Variants in GDPD2 observed in about 807,000 individuals in gnomAD.
GDPD2 encodes the protein glycerophosphodiester phosphodiesterase 3.
In GDPD2, 23 loss-of-function variants were observed where a neutral mutation model predicts 49.2. The ratio of observed to expected loss-of-function variants is 0.47; its 90% CI spans 0.34 to 0.66. The LOEUF is 0.66. Ranked by LOEUF, GDPD2 falls within the 30% of genes least tolerant of loss-of-function variation. GDPD2 has a pLI of 0.01. For synonymous variants in GDPD2, 167 were observed against 171.4 expected, an observed-to-expected ratio of 0.97 and a Z score of 0.20; for missense variants, 338 against 424.7, an observed-to-expected ratio of 0.80 and a Z score of 1.79.
intron 5 of GDPD2, 79 bp from the exon 6 acceptor site, chrX:70,426,292 T>A: frequency 1.1e-6 from 1 of 906,354 alleles, no homozygotes; most frequent in Non-Finnish European, 1.6e-6. Context: ...TCGGGTCCCA[T>A]CTCTATAGAG....
chrX:70,424,226 G>C (rs2086402002), intron 1 of GDPD2, among the ~76,000 whole-genome samples: 1 of 111,246 alleles, frequency 9.0e-6, no homozygotes, highest in Non-Finnish European at 1.9e-5. Flanking sequence ...CTTCTGGTTG[G>C]GGTTGGGGGA....
intron 6 of GDPD2, 34 bp downstream of exon 6, chrX:70,426,503 C>A: frequency 8.8e-7 from 1 of 1,142,234 alleles, no homozygotes; most frequent in Non-Finnish European, 1.2e-6. Flanking sequence ...TAGACGGGAG[C>A]CTTGGCTTGC....
chrX:70,432,216 A>G (rs2086483811), intron 12 of GDPD2, 91 bp from the exon 13 acceptor site: 2 of 746,303 alleles, frequency 2.7e-6, no homozygotes, highest in Admixed American at 5.2e-5. Context: ...TGGCAGTGGC[A>G]CTGTAGATTC....
intron 4 of GDPD2, 67 bp from the exon 5 acceptor site, chrX:70,425,985 G>A: frequency 4.0e-6 from 4 of 992,330 alleles, no homozygotes; most frequent in Non-Finnish European, 5.7e-6. Flanking sequence ...ACCAGCCTGG[G>A]AAGCCCACCT....
At chrX:70,426,145 G>A (rs769920369) in intron 5 of GDPD2, 34 bp downstream of exon 5, 7 of 1,101,057 alleles carry the variant, frequency 6.4e-6, no homozygotes, top group African/African-American at 1.8e-5. Context: ...GGGAGAGGGG[G>A]CCACTGGGCT....
chrX:70,429,723 G>C lies in GDPD2; in HGVS notation c.1158+9G>C. 3 of 1,156,116 alleles carry C rather than the reference G, an allele frequency of 2.6e-6. No individual in the cohort carries two copies. The highest frequency in any genetic ancestry group is 2.4e-4 in the Middle Eastern group (1 of 4,203). On this transcript the variant is annotated intron_variant, in intron 11 of 15. Transcript: ENST00000374382. ...GGGTGCCCCAAGCCATGGTGATGTTGCCAGGACCCCCTCTCCCCACCCTGC... is the reference window on the plus strand; with the variant it reads ...GGGTGCCCCAAGCCATGGTGATGTTCCCAGGACCCCCTCTCCCCACCCTGC...
At chrX:70,432,483 T>C (rs375062949) in intron 13 of GDPD2, 29 bp downstream of exon 13, 19 of 1,191,378 alleles carry the variant, frequency 1.6e-5, no homozygotes, top group Non-Finnish European at 1.9e-5. Context: ...TCACCTCTCC[T>C]CTTCTCCCAT....
chrX:70,426,137 G>A, intron 5 of GDPD2, 26 bp downstream of exon 5: 1 of 1,129,857 alleles, frequency 8.9e-7, no homozygotes, highest in Non-Finnish European at 1.2e-6. Flanking sequence ...GAGTGCATGG[G>A]AGAGGGGGCC....
intron 10 of GDPD2, among the ~76,000 whole-genome samples, 181 bp from the exon 11 acceptor site, chrX:70,429,312 G>A (rs1017631361): frequency 1.8e-5 from 2 of 111,099 alleles, no homozygotes; most frequent in African/African-American, 6.5e-5. Context: ...AAGGGTAGGA[G>A]GTTGAGGTCA....
chrX:70,427,155 C>G lies in GDPD2; in HGVS notation c.721C>G (p.Leu241Val). The part of the protein sequence containing the change: ...GAPMLAPENT[L>V]MSLRKTAECG... The stretch of plus-strand genomic sequence containing the variant: ...TTCCCAGCTGGCTCCCGAGAACACC[C>G]TGATGTCCTTGCGGAAGACAGCTGA... The change falls in exon 9 of 16, where the codon CTG (leucine) becomes GTG (valine). Residue 241 changes from leucine (L) to valine (V), a missense_variant. By Grantham distance (32) the Leu-to-Val change is conservative (BLOSUM62 1). Around this residue, in one of 3 missense-constraint regions of GDPD2, gnomAD observed 253 missense variants for 330.4 expected, o/e 0.77. Transcript: ENST00000374382. The G allele has an allele frequency of 1.7e-6, 2 of 1,206,385 alleles. No individual in the cohort carries two copies. Among genetic ancestry groups the G allele is most frequent in the Middle Eastern group, 4.6e-4 (2 of 4,336 alleles).
rs367951701 is a variant in GDPD2, at chrX:70,430,001, C to A, written c.1245C>A (p.Asn415Lys). The change falls in exon 12 of 16, where the codon AAC (asparagine) becomes AAA (lysine). Residue 415 changes from asparagine to lysine, a missense_variant. Coordinates refer to ENST00000374382, the MANE Select transcript of GDPD2 (RefSeq NM_017711.4). ...MRQIYGRQGG[N>K]RTERPQFLNL... is the part of the protein sequence containing the mutation. ...AGATATATGGACGTCAGGGAGGCAA[C>A]AGAACGGAGAGGCCCCAGTTTCTTA... 1 of 1,208,294 alleles carries A rather than the reference C, an allele frequency of 8.3e-7. No homozygotes were observed. The highest frequency in any genetic ancestry group is 1.1e-6 in the Non-Finnish European group (1 of 893,526).
rs762112029 is a variant in GDPD2 at position 70,424,990 on chromosome X, C to T, written c.6C>T (p.Ala2=). The T allele has an allele frequency of 4.2e-6, 5 of 1,186,505 alleles. No individual in the cohort carries two copies. Among genetic ancestry groups the T allele is most frequent in the Admixed American group, 4.7e-5 (2 of 42,999 alleles). The change falls in exon 2 of 16, where the codon GCC becomes GCT. Residue 2 remains alanine (A), a synonymous_variant. Transcript: ENST00000374382. ...CCTTCCCCCAGGCCTTCACCATGGC[C>T]GAGTCCCCCGGCTGCTGCTCCGTCT... M[A]ESPGCCSVWA... is the part of the protein sequence containing the mutation.
Position 70,433,184 on chromosome X carries a change from G to A in GDPD2, c.*98G>A. 2 of 666,122 alleles carry A rather than the reference G, an allele frequency of 3.0e-6. No individual in the cohort carries two copies. Among genetic ancestry groups the A allele is most frequent in the South Asian group, 4.9e-5 (2 of 40,716 alleles). 54.9% of individuals were successfully genotyped at this position (666,122 alleles called of 1,213,427 possible). A position where few individuals can be genotyped will look rare whatever the true frequency, so the allele number is the denominator to read the frequency against. ...TGGAATGCTTCAGGGGTGGTGGGTT[G>A]CAAGTGGGGGGAGCTTTGCCAACAG... On this transcript the variant is annotated 3_prime_UTR_variant, in exon 16 of 16. Coordinates refer to ENST00000374382, the MANE Select transcript of GDPD2 (RefSeq NM_017711.4).
intron 5 of GDPD2, 100 bp downstream of exon 5, chrX:70,426,211 A>G (rs2086422120): frequency 4.7e-6 from 4 of 848,921 alleles, no homozygotes; most frequent in Non-Finnish European, 7.0e-6. Context: ...CGGGGGGTCA[A>G]GCCCAGGACC....
In GDPD2 at chrX:70,429,817, A is replaced by C. The variant is rs747408478; in HGVS notation, c.1159-98A>C. 5.5e-6 allele frequency: 6 copies of C among 1,089,219 alleles called. No individual in the cohort carries two copies. In the Admixed American group the frequency reaches 1.3e-4, roughly 24 times the overall value. 89.8% of individuals were successfully genotyped at this position (1,089,219 alleles called of 1,213,427 possible). On this transcript the variant is annotated intron_variant, in intron 11 of 15. Coordinates refer to ENST00000374382, the MANE Select transcript of GDPD2 (RefSeq NM_017711.4). Reference sequence around the variant, plus strand: ...TACCCCCAGGGCCCTGCCCCAGCTCACATACCCCATTCTGTGGTCAAAACT... The same window carrying C: ...TACCCCCAGGGCCCTGCCCCAGCTCCCATACCCCATTCTGTGGTCAAAACT...
chrX:70,427,930 T>C (rs1458735764), intron 10 of GDPD2: 2 of 113,537 alleles, frequency 1.8e-5, no homozygotes, highest in Admixed American at 1.9e-4. Flanking sequence ...TGGTACAAAA[T>C]ATTTAAAAGG....
Position 70,427,346 on chromosome X carries a change from G to A in GDPD2, c.819G>A (p.Glu273=). The change falls in exon 10 of 16, where the codon GAG becomes GAA. Residue 273 remains glutamate, a synonymous_variant. Transcript: ENST00000374382. ...GGGTCCCCTTCCTCATGCATGATGA[G>A]CACCTCAGCAGGACCACGAATGTAG... The part of the protein sequence containing the change: ...SDGVPFLMHD[E]HLSRTTNVAS... The A allele has an allele frequency of 8.3e-7, 1 of 1,209,577 alleles. No individual in the cohort carries two copies. The highest frequency in any genetic ancestry group is 1.7e-5 in the African/African-American group (1 of 57,676).
chrX:70,424,923 C>A (rs752392714), intron 1 of GDPD2, 53 bp from the exon 2 acceptor site: 88 of 789,003 alleles, frequency 1.1e-4, no homozygotes, highest in Non-Finnish European at 1.6e-4. Flanking sequence ...AGGAGGGAGA[C>A]TGGGATCTGC....
chrX:70,432,387 G>A lies in GDPD2; in HGVS notation c.1388G>A (p.Gly463Glu). ...PWLFSLLWCA[G>E]VDSVTTNDCQ... ...CTCTTCTCTCTGCTTTGGTGTGCAG[G>A]GGTGGATTCGGTCACCACCAACGAC... The change falls in exon 13 of 16, where the codon GGG (glycine) becomes GAG (glutamate). Residue 463 changes from glycine (G) to glutamate (E), a missense_variant. Physicochemically the swap from Gly to Glu is moderately conservative, Grantham distance 98. This residue lies in a region of GDPD2 where 253 missense variants were observed against 330.4 expected (regional missense o/e 0.77). Transcript: ENST00000374382. 8.3e-7 allele frequency: 1 copy of A among 1,208,227 alleles called. No individual in the cohort carries two copies. Among genetic ancestry groups the A allele is most frequent in the Non-Finnish European group, 1.1e-6 (1 of 892,425 alleles).
Sources: allele counts gnomAD v4.1 joint callset (sites outside exome capture counted in the v4.1 genomes callset), GRCh38; gene constraint gnomAD v4.1.1; regional missense constraint gnomAD v4.1.1; transcripts MANE v1.5; gene names NCBI Gene and HGNC (gene_info 2026-07-23, HGNC 2026-07-21).